The following PYROXD2 variants were observed in gnomAD, a reference collection of about 807,000 sequenced individuals.
PYROXD2 encodes the protein pyridine nucleotide-disulfide oxidoreductase domain-containing protein 2.
In PYROXD2, 69 loss-of-function variants were observed where a neutral mutation model predicts 71.1. That is an observed-to-expected ratio of 0.97 (90% CI 0.80 to 1.19). The LOEUF is 1.19. Ranked by LOEUF, PYROXD2 falls within the 50% of genes most tolerant of loss-of-function variation. The pLI, the probability that PYROXD2 is intolerant of heterozygous loss-of-function variation, is 0.00. For missense variants in PYROXD2, 745 were observed against 748.9 expected (o/e 0.99, Z 0.06); for synonymous variants, 287 against 302.7 (o/e 0.95, Z 0.54).
In PYROXD2 at chr10:98,383,860, C is replaced by A; in HGVS notation, c.1684G>T (p.Val562Leu). 1.2e-6 allele frequency: 2 copies of A among 1,614,070 alleles called. No homozygotes were observed. Among genetic ancestry groups the A allele is most frequent in the East Asian group, 2.2e-5 (1 of 44,866 alleles). Residue 562 changes from valine (V) to leucine (L), a missense_variant, in exon 16 of 16, where the codon GTG becomes TTG. Transcript: ENST00000370575. ...CGSGAHPGGG[V>L]MGAAGRNAAH... is the part of the protein sequence containing the mutation. ...GCATTTCGCCCAGCAGCTCCCATCA[C>A]ACCTCCTCCTGGAAGGGAATCTCCT...
intron 14 of PYROXD2, among the ~76,000 whole-genome samples, chr10:98,386,345 G>GGAAA (rs1842753653): frequency 6.6e-6 from 1 of 150,614 alleles, no homozygotes; most frequent in African/African-American, 2.4e-5. Flanking sequence ...AAGGAAGGAA[G>GGAAA]GAAGGAAGGA....
chr10:98,393,174 C>T lies in PYROXD2; in HGVS notation c.786-91G>A, dbSNP rs1843009285. ...AACTATTCCTTTCCATCTTGATCTT[C>T]AGCCCTTCCCTGCCACCATCCAGCC... is the stretch of plus-strand genomic sequence containing the variant. On this transcript the variant is annotated intron_variant, in intron 8 of 15. Coordinates refer to ENST00000370575, the MANE Select transcript of PYROXD2 (RefSeq NM_032709.3). 3.9e-6 allele frequency: 4 copies of T among 1,024,472 alleles called. No homozygotes were observed. The East Asian group carries it at 1.1e-4, about 28-fold the overall frequency. 63.5% of individuals were successfully genotyped at this position (1,024,472 alleles called of 1,614,324 possible).
At chr10:98,394,003 G>A (rs1843049281) in intron 8 of PYROXD2, among the ~76,000 whole-genome samples, 1 of 151,952 alleles carries the variant, frequency 6.6e-6, no homozygotes, top group Admixed American at 6.6e-5. Context: ...TGTCCTTTGG[G>A]TCTCAGATCA....
At chr10:98,406,891 C>CAAA (rs35562526) in intron 4 of PYROXD2, among the ~76,000 whole-genome samples, 5 of 73,106 alleles carry the variant, frequency 6.8e-5, no homozygotes, top group East Asian at 3.7e-4. Context: ...GACTCCGTCC[C>CAAA]AAAAAAAAAA....
Position 98,392,451 on chromosome 10 carries a change from A to G in PYROXD2, c.1043T>C (p.Phe348Ser). ...VLSNTSPQITFLKLTPQEWLP... is the reference protein window; with the variant it reads ...VLSNTSPQITSLKLTPQEWLP... ...CCTCACCTGTGGCGTCAGCTTCAGG[A>G]AGGTGATCTGCGGTGATGTGTTGGA... The change falls in exon 10 of 16, where the codon TTC (phenylalanine) becomes TCC (serine). Residue 348 changes from phenylalanine (F) to serine (S), a missense_variant. Transcript: ENST00000370575. The G allele has an allele frequency of 6.2e-7, 1 of 1,613,792 alleles. No individual in the cohort carries two copies. The highest frequency in any genetic ancestry group is 8.5e-7 in the Non-Finnish European group (1 of 1,180,016).
chr10:98,406,753 C>T (rs951790765), intron 4 of PYROXD2, among the ~76,000 whole-genome samples: 10 of 151,924 alleles, frequency 6.6e-5, no homozygotes, highest in Admixed American at 2.6e-4. Context: ...ATTTGCCTGG[C>T]GTGGTGGTAG....
At chr10:98,414,973 C>A in intron 1 of PYROXD2, 36 bp downstream of exon 1, 1 of 1,605,768 alleles carries the variant, frequency 6.2e-7, no homozygotes, top group Non-Finnish European at 8.5e-7. Context: ...GTCTTCCCGC[C>A]CCTCAGCTCT....
chr10:98,405,112 C>T (rs1843552018), intron 4 of PYROXD2, among the ~76,000 whole-genome samples: 2 of 152,342 alleles, frequency 1.3e-5, no homozygotes, highest in East Asian at 1.9e-4. Flanking sequence ...ACACCCCCTT[C>T]TCCACCAGTG....
At chr10:98,397,647 G>A (rs1843237888) in intron 5 of PYROXD2, 149 bp from the exon 6 acceptor site, 2 of 982,000 alleles carry the variant, frequency 2.0e-6, no homozygotes, top group South Asian at 2.2e-5. Context: ...AGCTCCCCCA[G>A]TTCCAGGTCT....
chr10:98,396,020 T>C (rs1843160367), intron 6 of PYROXD2, among the ~76,000 whole-genome samples: 2 of 152,228 alleles, frequency 1.3e-5, no homozygotes, highest in African/African-American at 4.8e-5. Context: ...GTTTTTTGCC[T>C]GTTTTTCACA....
chr10:98,395,508 G>T, intron 6 of PYROXD2, 56 bp from the exon 7 acceptor site: 1 of 1,485,930 alleles, frequency 6.7e-7, no homozygotes, highest in Non-Finnish European at 9.4e-7. Context: ...GAAACCCTCC[G>T]ACCTGGCCTG....
intron 4 of PYROXD2, among the ~76,000 whole-genome samples, chr10:98,403,331 C>T (rs1341872362): frequency 1.3e-5 from 2 of 152,232 alleles, no homozygotes; most frequent in African/African-American, 4.8e-5. Context: ...CTCTCCAAGC[C>T]GCCATTTTGG....
intron 2 of PYROXD2, 135 bp downstream of exon 2, chr10:98,410,804 G>A: frequency 1.5e-6 from 2 of 1,336,728 alleles, no homozygotes; most frequent in Non-Finnish European, 2.1e-6. Context: ...CTGGAGAGCA[G>A]AGAGCATCGA....
At chr10:98,390,801 C>T in intron 11 of PYROXD2, 47 bp from the exon 12 acceptor site, 1 of 1,535,074 alleles carries the variant, frequency 6.5e-7, no homozygotes, top group South Asian at 1.3e-5. Flanking sequence ...ACAAGGTCCT[C>T]CCTCTACAGC....
At chr10:98,408,395 G>T (rs1843682392) in intron 2 of PYROXD2, among the ~76,000 whole-genome samples, 1 of 152,224 alleles carries the variant, frequency 6.6e-6, no homozygotes, top group African/African-American at 2.4e-5. Flanking sequence ...ACTTGTGAAT[G>T]CTGACCCTTC....
intron 12 of PYROXD2, among the ~76,000 whole-genome samples, chr10:98,389,760 G>A (rs903781516): frequency 6.6e-6 from 1 of 152,150 alleles, no homozygotes; most frequent in Non-Finnish European, 1.5e-5. Flanking sequence ...TTTCTCCACA[G>A]TGCTCATCAT....
chr10:98,403,524 C>A (rs898691966), intron 4 of PYROXD2, among the ~76,000 whole-genome samples: 1 of 152,188 alleles, frequency 6.6e-6, no homozygotes, highest in African/African-American at 2.4e-5. Flanking sequence ...CCCCTCCCAC[C>A]CCCATCTGGT....
intron 4 of PYROXD2, among the ~76,000 whole-genome samples, chr10:98,401,248 T>C (rs1311600276): frequency 8.2e-5 from 6 of 73,102 alleles, no homozygotes; most frequent in African/African-American, 6.6e-4. Context: ...AGCAAGACTC[T>C]GTCTCAAAAA....
chr10:98,401,661 T>A (rs1843415488), intron 4 of PYROXD2, among the ~76,000 whole-genome samples: 1 of 152,212 alleles, frequency 6.6e-6, no homozygotes, highest in African/African-American at 2.4e-5. Context: ...TTTAAAATTT[T>A]TTATTTTTAT....
Sources: allele counts gnomAD v4.1 joint callset (sites outside exome capture counted in the v4.1 genomes callset), GRCh38; gene constraint gnomAD v4.1.1; transcripts MANE v1.5; gene names NCBI Gene and HGNC (gene_info 2026-07-23, HGNC 2026-07-21).